AP1G2: variants seen among roughly 807,000 people sequenced by gnomAD.
AP1G2 encodes the protein AP-1 complex subunit gamma-like 2.
A neutral mutation model predicts 95.8 loss-of-function variants in AP1G2; 85 were observed. The observed-to-expected ratio is 0.89, with a 90% confidence interval of 0.74 to 1.06. The LOEUF (loss-of-function observed/expected upper bound fraction) is 1.06, where lower values mean the gene tolerates loss of function less well. Among genes scored for constraint, AP1G2 ranks in the 50% least tolerant of loss-of-function variants. The pLI, the probability that AP1G2 is intolerant of heterozygous loss-of-function variation, is 0.00. For synonymous variants in AP1G2, 378 were observed against 400.0 expected (o/e 0.94, Z 0.66); for missense variants, 967 against 1,005.8 (o/e 0.96, Z 0.52).
chr14:23,566,502 T>C (rs947934984), intron 3 of AP1G2, 60 bp downstream of exon 3: 4 of 1,607,848 alleles, frequency 2.5e-6, no homozygotes, highest in Non-Finnish European at 3.4e-6. Flanking sequence ...TCCCCTGGGA[T>C]TTCCAAGGTC....
At position 23,563,760 on chromosome 14, in the gene AP1G2, G is replaced by A. The variant is rs1886321576; in HGVS notation, c.1188C>T (p.Asp396=). ...TGCCTGAGGCACAGTCAGCCCGTAG[G>A]TCAGGAGGGCAGGACTCCAGAAAGG... The part of the protein sequence containing the change: ...LQAFLESCPP[D]LRADCASGIL... Residue 396 remains aspartate (D), a synonymous_variant, in exon 12 of 22, where the codon GAC becomes GAT. Transcript: ENST00000397120. The A allele has an allele frequency of 6.2e-7, 1 of 1,614,210 alleles. No individual in the cohort carries two copies. Among genetic ancestry groups the A allele is most frequent in the Non-Finnish European group, 8.5e-7 (1 of 1,180,036 alleles).
At chr14:23,565,233 G>C (rs763165807) in intron 7 of AP1G2, 34 bp from the exon 8 acceptor site, 1 of 1,604,408 alleles carries the variant, frequency 6.2e-7, no homozygotes, top group Non-Finnish European at 8.5e-7. Flanking sequence ...AGTTGGAGGG[G>C]TTCATAGGAT....
chr14:23,563,885 G>T (rs202207282), intron 11 of AP1G2, 29 bp from the exon 12 acceptor site: 19 of 1,609,520 alleles, frequency 1.2e-5, no homozygotes, highest in East Asian at 6.7e-5. Flanking sequence ...TTCCATGCAG[G>T]TAGCCCAGGT....
Position 23,567,093 on chromosome 14 carries a change from G to T in AP1G2, c.204+18C>A. 6.2e-7 allele frequency: 1 copy of T among 1,603,664 alleles called. No homozygotes were observed. Reference sequence around the variant, plus strand: ...TAGCCTTCATCAAGCTCAGGAGGGAGGTATTCCTGGCCAGTACCTGTCCAA... The same window carrying T: ...TAGCCTTCATCAAGCTCAGGAGGGATGTATTCCTGGCCAGTACCTGTCCAA... On this transcript the variant is annotated intron_variant, in intron 2 of 21. Transcript: ENST00000397120. This position sits in a 1 kb window ranked among gnomAD's most constrained non-coding sequence, Gnocchi z 5.3.
intron 20 of AP1G2, 98 bp from the exon 21 acceptor site, chr14:23,560,134 C>T: frequency 6.9e-7 from 1 of 1,445,568 alleles, no homozygotes; most frequent in Non-Finnish European, 9.5e-7. Context: ...CTGTAACTCC[C>T]CAAGTGCTGA....
Position 23,564,118 on chromosome 14 carries a change from T to C in AP1G2, c.1019A>G (p.Asp340Gly). The change falls in exon 11 of 22, where the codon GAT (aspartate) becomes GGT (glycine). Residue 340 changes from aspartate to glycine, a missense_variant. Physicochemically the swap from Asp to Gly is moderately conservative, Grantham distance 94. Transcript: ENST00000397120. ...LTSLLRLVQS[D>G]HSAVQRHRPT... The stretch of plus-strand genomic sequence containing the variant: ...CCGATGCCGCTGCACAGCACTGTGA[T>C]CAGACTGCACCAGTCGAAGCAGTGA... 6.2e-7 allele frequency: 1 copy of C among 1,614,112 alleles called. No individual in the cohort carries two copies.
At chr14:23,564,778 G>T in intron 8 of AP1G2, 118 bp from the exon 9 acceptor site, 1 of 911,504 alleles carries the variant, frequency 1.1e-6, no homozygotes, top group Non-Finnish European at 1.7e-6. Context: ...CCCAGGCTCT[G>T]ATGATCCTCC....
chr14:23,562,242 G>C, intron 16 of AP1G2, 46 bp downstream of exon 16: 1 of 1,610,118 alleles, frequency 6.2e-7, no homozygotes, highest in Non-Finnish European at 8.5e-7. Flanking sequence ...AAAATGGGTG[G>C]ACCCAGTGAC....
At position 23,567,154 on chromosome 14, in the gene AP1G2, A is replaced by T; in HGVS notation, c.161T>A (p.Leu54Gln). The T allele has an allele frequency of 6.2e-7, 1 of 1,612,942 alleles. No individual in the cohort carries two copies. Among genetic ancestry groups the T allele is most frequent in the Non-Finnish European group, 8.5e-7 (1 of 1,179,372 alleles). The change falls in exon 2 of 22, where the codon CTG becomes CAG. Residue 54 changes from leucine (L) to glutamine (Q), a missense_variant. Coordinates refer to ENST00000397120, the MANE Select transcript of AP1G2 (RefSeq NM_003917.5). The surrounding 1 kb of genome is among the most constrained non-coding windows in gnomAD (Gnocchi z 5.3). The part of the protein sequence containing the change: ...PVHRHRQLAK[L>Q]LYVHMLGYPA... ...GTAGCCCAACATGTGGACGTAGAGC[A>T]GTTTGGCCAGCTGCCGGTGCCTGTG... is the stretch of plus-strand genomic sequence containing the variant.
Position 23,567,701 on chromosome 14 carries a change from G to GCAGCGACAGCGGCAGCGA in AP1G2, c.-6+37_-6+38insTCGCTGCCGCTGTCGCTG. The GCAGCGACAGCGGCAGCGA allele has an allele frequency of 9.6e-7, 1 of 1,041,160 alleles. No homozygotes were observed. The highest frequency in any genetic ancestry group is 1.2e-6 in the Non-Finnish European group (1 of 864,648). The allele number at this position is 1,041,160 out of a possible 1,614,324, so 64.5% of individuals were successfully genotyped here. A position where few individuals can be genotyped will look rare whatever the true frequency, so the allele number is the denominator to read the frequency against. ...ATTTCCATCTCAGGCAGCGGCAGCGGCAGCGACAGCCTGCCTACCCCAGGA... is the reference window on the plus strand; with the variant it reads ...ATTTCCATCTCAGGCAGCGGCAGCGGCAGCGACAGCGGCAGCGACAGCGACAGCCTGCCTACCCCAGGA... On this transcript the variant is annotated intron_variant, in intron 1 of 21. Transcript: ENST00000397120. The surrounding 1 kb of genome is among the most constrained non-coding windows in gnomAD (Gnocchi z 5.3).
intron 19 of AP1G2, chr14:23,560,630 T>G: frequency 2.5e-6 from 1 of 404,858 alleles, no homozygotes; most frequent in Non-Finnish European, 4.3e-6. Context: ...ATCCCAGCAC[T>G]TTGGGAGGCT....
chr14:23,559,612 G>T lies in AP1G2; in HGVS notation c.*137C>A. 2 of 702,884 alleles carry T rather than the reference G, an allele frequency of 2.8e-6. No homozygotes were observed. Among genetic ancestry groups the T allele is most frequent in the African/African-American group, 1.8e-5 (1 of 56,102 alleles). 43.5% of individuals were successfully genotyped at this position (702,884 alleles called of 1,614,324 possible). On this transcript the variant is annotated 3_prime_UTR_variant, in exon 22 of 22. Transcript: ENST00000397120. ...GCTTTATTGGGCTTTATTTGTGGGA[G>T]AAGGGGGCTGGTCCCCAGTTTTTGC...
In AP1G2 at chr14:23,565,186, CG is replaced by C. The variant is rs754678227; in HGVS notation, c.754del (p.Arg252ValfsTer17). 7 of 1,614,016 alleles carry C rather than the reference CG, an allele frequency of 4.3e-6. No homozygotes were observed. Among genetic ancestry groups the C allele is most frequent in the Non-Finnish European group, 5.9e-6 (7 of 1,180,010 alleles). Reference sequence around the variant, plus strand: ...GTTCCGGCCCAGGATCCGAAGCAGACGAAGTATCTGGACCTGAGGTTGGGTT... The same window carrying C: ...GTTCCGGCCCAGGATCCGAAGCAGACAAGTATCTGGACCTGAGGTTGGGTT... ...SDPFLQVQIL[R>X]LLRILGRNHE... On this transcript the variant is annotated frameshift_variant, in exon 8 of 22. Transcript: ENST00000397120. LOFTEE classifies it high-confidence loss of function.
In AP1G2 at chr14:23,560,320, T is replaced by C. The variant is rs765101524; in HGVS notation, c.2092A>G (p.Ile698Val). ...CCCTCTGAGAAGTTGGTGGCAGTGA[T>C]GGTGATTAACAGCAAAGCAGGGTTT... ...PENPALLLIT[I>V]TATNFSEGDV... Residue 698 changes from isoleucine (I) to valine (V), a missense_variant, in exon 20 of 22, where the codon ATC becomes GTC. Coordinates refer to ENST00000397120, the MANE Select transcript of AP1G2 (RefSeq NM_003917.5). The C allele has an allele frequency of 1.2e-6, 2 of 1,614,056 alleles. No individual in the cohort carries two copies. Among genetic ancestry groups the C allele is most frequent in the African/African-American group, 1.3e-5 (1 of 75,020 alleles).
intron 7 of AP1G2, 200 bp downstream of exon 7, chr14:23,565,406 T>C (rs1887359965): frequency 1.4e-6 from 1 of 717,682 alleles, no homozygotes; most frequent in Admixed American, 2.8e-5. Context: ...AAAAAAATTG[T>C]TAACAAACTG....
chr14:23,562,202 G>C (rs926767095), intron 16 of AP1G2, 86 bp downstream of exon 16: 63 of 1,596,684 alleles, frequency 3.9e-5, no homozygotes, highest in Non-Finnish European at 4.9e-5. Context: ...GGTAGGGAGG[G>C]CTGGGCATGT....
Position 23,565,672 on chromosome 14 carries a change from C to T in AP1G2, c.675G>A (p.Arg225=), listed in dbSNP as rs759486965. 130 of 1,614,190 alleles carry T rather than the reference C, an allele frequency of 8.1e-5. No individual in the cohort carries two copies. Among genetic ancestry groups the T allele is most frequent in the Non-Finnish European group, 1.1e-4 (129 of 1,180,012 alleles). ...KVVPQLVHIL[R]TLVTMGYSTE... is the part of the protein sequence containing the mutation. ...TGGAGTATCCCATTGTCACCAGAGT[C>T]CGGAGGATGTGTACCAGCTGGGGTA... The change falls in exon 7 of 22, where the codon CGG becomes CGA. Residue 225 remains arginine (R), a synonymous_variant. Coordinates refer to ENST00000397120, the MANE Select transcript of AP1G2 (RefSeq NM_003917.5).
intron 4 of AP1G2, 52 bp downstream of exon 4, chr14:23,566,226 G>C (rs1887889428): frequency 6.2e-7 from 1 of 1,607,582 alleles, no homozygotes; most frequent in Admixed American, 1.7e-5. Context: ...CTACTATATA[G>C]CACGCAGCAG....
Position 23,567,524 on chromosome 14 carries a change from C to T in AP1G2, c.-5-205G>A, listed in dbSNP as rs753203341. 7.4e-7 allele frequency: 1 copy of T among 1,360,278 alleles called. No homozygotes were observed. Among genetic ancestry groups the T allele is most frequent in the Non-Finnish European group, 9.4e-7 (1 of 1,064,862 alleles). The allele number at this position is 1,360,278 out of a possible 1,614,324, so 84.3% of individuals were successfully genotyped here. On this transcript the variant is annotated intron_variant, in intron 1 of 21. Coordinates refer to ENST00000397120, the MANE Select transcript of AP1G2 (RefSeq NM_003917.5). The surrounding 1 kb of genome is among the most constrained non-coding windows in gnomAD (Gnocchi z 5.3). Reference sequence around the variant, plus strand: ...AAGCCCACTACGCATGCGTCCGCACCCCACCGGCGCCCCTTCCTATTGAGC... The same window carrying T: ...AAGCCCACTACGCATGCGTCCGCACTCCACCGGCGCCCCTTCCTATTGAGC...
Sources: gnomAD v4.1 joint callset for allele counts on GRCh38, gnomAD v4.1.1 for gene constraint, Gnocchi (gnomAD v3.1) non-coding constraint, MANE v1.5 for transcripts, NCBI Gene and HGNC (gene_info 2026-07-23, HGNC 2026-07-21) for gene names.